Variants in BRD2 observed in about 807,000 individuals in gnomAD.
The protein encoded by BRD2 is bromodomain containing 2, also known as bromodomain-containing protein 2.
BRD2 carries 15 observed loss-of-function variants against 79.1 expected under a neutral mutation model. That is an observed-to-expected ratio of 0.19 (90% CI 0.13 to 0.29). BRD2 has a LOEUF of 0.29. Ranked by LOEUF, BRD2 falls within the 10% of genes least tolerant of loss-of-function variation. The pLI is 1.00. For synonymous variants in BRD2, 488 were observed against 358.6 expected, an observed-to-expected ratio of 1.36 and a Z score of -4.08; for missense variants, 1,053 against 991.3, an observed-to-expected ratio of 1.06 and a Z score of -0.84.
At chr6:32,975,122 C>T (rs139910752) in intron 3 of BRD2, 192 of 1,507,736 alleles carry the variant, frequency 1.3e-4, no homozygotes, top group Middle Eastern at 5.1e-4. Context: ...GGTAATGTCA[C>T]AGGATGGGAA....
intron 3 of BRD2, 103 bp from the exon 4 acceptor site, chr6:32,975,281 G>A: frequency 2.0e-6 from 1 of 492,514 alleles, no homozygotes; most frequent in East Asian, 4.4e-5. Flanking sequence ...TGATGCATAG[G>A]GGGGGTGTGT....
intron 6 of BRD2, 44 bp downstream of exon 6, chr6:32,976,508 C>T (rs760694479): frequency 1.3e-5 from 21 of 1,598,942 alleles, no homozygotes; most frequent in Middle Eastern, 3.3e-4. Flanking sequence ...AGGCAAGGGT[C>T]TTAAGTAAAG....
chr6:32,977,598 A>C (rs1482010701), intron 8 of BRD2, 28 bp downstream of exon 8: 1 of 1,612,776 alleles, frequency 6.2e-7, no homozygotes. Context: ...AGTTTGAAAA[A>C]TAAATGGTAT....
chr6:32,977,450 G>A lies in BRD2; in HGVS notation c.1209G>A (p.Met403Ile). The change falls in exon 8 of 13, where the codon ATG becomes ATA. Residue 403 changes from methionine to isoleucine, a missense_variant. Physicochemically the swap from Met to Ile is conservative, Grantham distance 10. This residue lies in a region of BRD2 where 454 missense variants were observed against 430.5 expected (regional missense o/e 1.05). Transcript: ENST00000374825. ...PMDLSTVKRK[M>I]ENRDYRDAQE... The stretch of plus-strand genomic sequence containing the variant: ...GCTGCCTCCTTCTGCAGCGGAAGAT[G>A]GAGAACCGTGATTACCGGGATGCAC... 10 of 1,613,978 alleles carry A rather than the reference G, an allele frequency of 6.2e-6. No individual in the cohort carries two copies. The highest frequency in any genetic ancestry group is 8.5e-6 in the Non-Finnish European group (10 of 1,180,042).
chr6:32,977,715 C>T (rs746730343), intron 8 of BRD2, 42 bp from the exon 9 acceptor site: 5 of 1,610,566 alleles, frequency 3.1e-6, no homozygotes, highest in Admixed American at 3.3e-5. Context: ...GTATGTAGGG[C>T]ACTGTTTATC....
In BRD2 at chr6:32,976,700, C is replaced by T. The variant is rs1778813188; in HGVS notation, c.964C>T (p.Arg322Cys). The change falls in exon 7 of 13, where the codon CGC becomes TGC. Residue 322 changes from arginine to cysteine, a missense_variant. By Grantham distance (180) the Arg-to-Cys change is radical. Around this residue, in one of 5 missense-constraint regions of BRD2, gnomAD observed 454 missense variants for 430.5 expected, o/e 1.05. Transcript: ENST00000374825. ...TCCCCCTATGCGTAGAGAGAGTGGT[C>T]GCCCCATCAAGCCCCCACGCAAAGA... Reference protein sequence around the residue: ...RLPPMRRESGRPIKPPRKDLP... With the variant: ...RLPPMRRESGCPIKPPRKDLP... 2 of 1,612,866 alleles carry T rather than the reference C, an allele frequency of 1.2e-6. No individual in the cohort carries two copies. The highest frequency in any genetic ancestry group is 1.7e-6 in the Non-Finnish European group (2 of 1,179,942).
chr6:32,980,836 C>G lies in BRD2; in HGVS notation c.*118C>G, dbSNP rs973551071. On this transcript the variant is annotated 3_prime_UTR_variant, in exon 13 of 13. Coordinates refer to ENST00000374825, the MANE Select transcript of BRD2 (RefSeq NM_005104.4). ...TCTTCATCTCACCCCCCCCCGCCCCCCTCTAGGAGAGCTGGCTCTGCAGTG... is the reference window on the plus strand; with the variant it reads ...TCTTCATCTCACCCCCCCCCGCCCCGCTCTAGGAGAGCTGGCTCTGCAGTG... 8.0e-7 allele frequency: 1 copy of G among 1,256,388 alleles called. No homozygotes were observed. The highest frequency in any genetic ancestry group is 1.1e-6 in the Non-Finnish European group (1 of 902,264). The allele number at this position is 1,256,388 out of a possible 1,614,324, so 77.8% of individuals were successfully genotyped here. A position where few individuals can be genotyped will look rare whatever the true frequency, so the allele number is the denominator to read the frequency against.
Position 32,972,835 on chromosome 6 carries a change from G to A in BRD2, c.-64G>A, listed in dbSNP as rs1250471218. ...AGCGGGTTATGCTGGACCGGGCGGT[G>A]AGGGGAACCGAGGCCACCCGGACTT... On this transcript the variant is annotated 5_prime_UTR_variant, in exon 2 of 13. Coordinates refer to ENST00000374825, the MANE Select transcript of BRD2 (RefSeq NM_005104.4). 6.2e-7 allele frequency: 1 copy of A among 1,612,484 alleles called. No homozygotes were observed. Among genetic ancestry groups the A allele is most frequent in the Middle Eastern group, 1.7e-4 (1 of 6,058 alleles).
At chr6:32,978,741 A>G in intron 10 of BRD2, 1 of 310,436 alleles carries the variant, frequency 3.2e-6, no homozygotes, top group Non-Finnish European at 6.0e-6. Flanking sequence ...AGTGATGCCC[A>G]CATGCCGGCT....
At position 32,972,306 on chromosome 6, in the gene BRD2, C is replaced by T; in HGVS notation, c.-593C>T. ...GCCGCCATTACAATCCACCTCCATC[C>T]GCTTGGAAATGGCCTTCGTCCCGGC... On this transcript the variant is annotated 5_prime_UTR_variant, in exon 2 of 13. Coordinates refer to ENST00000374825, the MANE Select transcript of BRD2 (RefSeq NM_005104.4). The T allele has an allele frequency of 5.1e-6, 2 of 395,414 alleles. No homozygotes were observed. The highest frequency in any genetic ancestry group is 9.6e-6 in the Non-Finnish European group (2 of 207,424). The allele number at this position is 395,414 out of a possible 1,614,324, so 24.5% of individuals were successfully genotyped here.
Position 32,972,892 on chromosome 6 carries a change from G to A in BRD2, c.-7G>A, listed in dbSNP as rs763653224. On this transcript the variant is annotated 5_prime_UTR_variant, in exon 2 of 13. Transcript: ENST00000374825. Reference sequence around the variant, plus strand: ...GCTGAGGGCAGCGCCGGTTCCTTGCGGTCAAGATGCTGCAAAACGTGACTC... The same window carrying A: ...GCTGAGGGCAGCGCCGGTTCCTTGCAGTCAAGATGCTGCAAAACGTGACTC... 6.2e-7 allele frequency: 1 copy of A among 1,613,952 alleles called. No homozygotes were observed. Among genetic ancestry groups the A allele is most frequent in the Non-Finnish European group, 8.5e-7 (1 of 1,179,992 alleles).
At position 32,977,859 on chromosome 6, in the gene BRD2, T is replaced by A. The variant is rs944237657; in HGVS notation, c.1432T>A (p.Ser478Thr). The change falls in exon 9 of 13, where the codon TCA becomes ACA. Residue 478 changes from serine to threonine, a missense_variant. Coordinates refer to ENST00000374825, the MANE Select transcript of BRD2 (RefSeq NM_005104.4). The part of the protein sequence containing the change: ...AMPPGLAKSS[S>T]ESSSEESSSE... The stretch of plus-strand genomic sequence containing the variant: ...GCCCCCTGGCTTGGCCAAATCGTCT[T>A]CAGAGTCCTCCAGTGAGGAAAGTAG... 1.2e-6 allele frequency: 2 copies of A among 1,613,054 alleles called. No individual in the cohort carries two copies. Among genetic ancestry groups the A allele is most frequent in the Non-Finnish European group, 1.7e-6 (2 of 1,180,020 alleles).
At chr6:32,969,490 C>A in intron 1 of BRD2, 1 of 593,414 alleles carries the variant, frequency 1.7e-6, no homozygotes, top group Non-Finnish European at 3.1e-6. Flanking sequence ...TGTTCCCAGG[C>A]GCCAACTTCC....
At position 32,977,810 on chromosome 6, in the gene BRD2, G is replaced by A. The variant is rs763516887; in HGVS notation, c.1383G>A (p.Gly461=). Residue 461 remains glycine (G), a synonymous_variant, in exon 9 of 13, where the codon GGG becomes GGA. Transcript: ENST00000374825. ...TGCCAGATGAACCACTAGAACCAGG[G>A]CCTTTACCAGTCTCTACTGCCATGC... ...AKMPDEPLEP[G]PLPVSTAMPP... The A allele has an allele frequency of 5.6e-6, 9 of 1,613,086 alleles. No individual in the cohort carries two copies. The South Asian group carries it at 7.7e-5, about 14-fold the overall frequency.
intron 7 of BRD2, 76 bp downstream of exon 7, chr6:32,977,012 G>A (rs771232219): frequency 6.6e-7 from 1 of 1,504,818 alleles, no homozygotes; most frequent in Non-Finnish European, 8.9e-7. Flanking sequence ...GTCTCCTTAT[G>A]TGGGCACACA....
chr6:32,973,543 C>T (rs1778319021), intron 2 of BRD2, among the ~76,000 whole-genome samples: 2 of 152,100 alleles, frequency 1.3e-5, no homozygotes, highest in African/African-American at 4.8e-5. Flanking sequence ...GTTCCTAGTT[C>T]AGCTCTGCGA....
At chr6:32,978,505 G>A in intron 10 of BRD2, 117 bp downstream of exon 10, 2 of 1,498,172 alleles carry the variant, frequency 1.3e-6, no homozygotes, top group Non-Finnish European at 1.8e-6. Flanking sequence ...TAGGCTTTGA[G>A]CAGTGGTCCC....
rs201781653 is a variant in BRD2, at chr6:32,977,805, C to T, written c.1378C>T (p.Pro460Ser). The T allele has an allele frequency of 2.5e-6, 4 of 1,613,118 alleles. No individual in the cohort carries two copies. The Admixed American group carries it at 6.7e-5, about 27-fold the overall frequency. Residue 460 changes from proline to serine, a missense_variant, in exon 9 of 13, where the codon CCA (proline) becomes TCA (serine). Physicochemically the swap from Pro to Ser is moderately conservative, Grantham distance 74. Around this residue, in one of 5 missense-constraint regions of BRD2, gnomAD observed 454 missense variants for 430.5 expected, o/e 1.05. Transcript: ENST00000374825. ...CAAGATGCCAGATGAACCACTAGAA[C>T]CAGGGCCTTTACCAGTCTCTACTGC... ...YAKMPDEPLE[P>S]GPLPVSTAMP...
In BRD2 at chr6:32,972,181, G is replaced by C; in HGVS notation, c.-718G>C. The C allele has an allele frequency of 1.7e-6, 1 of 578,236 alleles. No homozygotes were observed. Among genetic ancestry groups the C allele is most frequent in the Non-Finnish European group, 3.1e-6 (1 of 319,476 alleles). 35.8% of individuals were successfully genotyped at this position (578,236 alleles called of 1,614,324 possible). ...CTCCCCGCCTATATATAAAGGGCTG[G>C]CGCGGGGCTCGGCGGCGCCATTTCG... On this transcript the variant is annotated 5_prime_UTR_variant, in exon 2 of 13. Coordinates refer to ENST00000374825, the MANE Select transcript of BRD2 (RefSeq NM_005104.4).
Sources: allele counts gnomAD v4.1 joint callset (sites outside exome capture counted in the v4.1 genomes callset), GRCh38; gene constraint gnomAD v4.1.1; regional missense constraint gnomAD v4.1.1; transcripts MANE v1.5; gene names NCBI Gene and HGNC (gene_info 2026-07-23, HGNC 2026-07-21).